The following ANGPT1 variants were observed in gnomAD, a reference collection of about 807,000 sequenced individuals.
ANGPT1 encodes the protein angiopoietin 1, also known as angiopoietin-1.
A neutral mutation model predicts 62.2 loss-of-function variants in ANGPT1; 17 were observed. The ratio of observed to expected loss-of-function variants is 0.27; its 90% CI spans 0.19 to 0.41. The LOEUF (loss-of-function observed/expected upper bound fraction) is 0.41, where lower values mean the gene tolerates loss of function less well. ANGPT1 is among the 10% of genes least tolerant of loss of function. ANGPT1 has a pLI of 1.00. For missense variants in ANGPT1, 478 were observed against 594.9 expected (o/e 0.80, Z 2.04); for synonymous variants, 199 against 198.9 (o/e 1.00, Z 0.00).
intron 1 of ANGPT1, among the ~76,000 whole-genome samples, chr8:107,441,327 T>C (rs993365228): frequency 2.0e-5 from 3 of 152,242 alleles, no homozygotes; most frequent in Non-Finnish European, 4.4e-5. Flanking sequence ...CCCCTAGGGA[T>C]CATGCAAAGC....
At position 107,393,329 on chromosome 8, in the gene ANGPT1, T is replaced by A. The variant is rs575392387; in HGVS notation, c.298-46232A>T. Among the ~76,000 whole-genome samples, 10 of 152,272 alleles carry A rather than the reference T, an allele frequency of 6.6e-5. No homozygotes were observed. In the East Asian group the frequency reaches 1.9e-3, roughly 29 times the overall value. On this transcript the variant is annotated intron_variant, in intron 1 of 8. Transcript: ENST00000517746. ...GACTGACTGCAAAAGATTTGGAGGG[T>A]ACTTTTTGGATGATGGAAATGTCTA...
intron 1 of ANGPT1, among the ~76,000 whole-genome samples, chr8:107,441,619 A>G (rs2130431923): frequency 6.6e-6 from 1 of 152,290 alleles, no homozygotes; most frequent in Non-Finnish European, 1.5e-5. Flanking sequence ...TTTAATCCTA[A>G]ACAATTTATT....
At chr8:107,322,392 G>A (rs940803596) in intron 3 of ANGPT1, among the ~76,000 whole-genome samples, 1 of 152,038 alleles carries the variant, frequency 6.6e-6, no homozygotes, top group Non-Finnish European at 1.5e-5. Context: ...TTCCTTGGGT[G>A]TATCTTATAT....
At chr8:107,374,861 A>G (rs970697790) in intron 1 of ANGPT1, among the ~76,000 whole-genome samples, 5 of 152,156 alleles carry the variant, frequency 3.3e-5, no homozygotes, top group African/African-American at 1.2e-4. Flanking sequence ...AGCTAGGGAG[A>G]TAAGAAATGC....
chr8:107,288,323 G>C (rs1237927904), intron 6 of ANGPT1, among the ~76,000 whole-genome samples: 2 of 152,078 alleles, frequency 1.3e-5, no homozygotes, highest in Non-Finnish European at 2.9e-5. Context: ...AAGTACTTAA[G>C]TATCTGTTTC....
chr8:107,303,760 T>TA (rs1235489910), intron 4 of ANGPT1, among the ~76,000 whole-genome samples: 1 of 151,780 alleles, frequency 6.6e-6, no homozygotes, highest in African/African-American at 2.4e-5. Flanking sequence ...CAGGAAAGTC[T>TA]AAAAAAAGTG....
At chr8:107,265,288 T>C (rs1046053189) in intron 7 of ANGPT1, among the ~76,000 whole-genome samples, 1 of 152,196 alleles carries the variant, frequency 6.6e-6, no homozygotes, top group African/African-American at 2.4e-5. Flanking sequence ...TTGCAGACTG[T>C]CCAAAGAGAA....
chr8:107,496,749 AT>A (rs34601316), intron 1 of ANGPT1, among the ~76,000 whole-genome samples: 16,541 of 152,074 alleles, frequency 0.11, 1,002 homozygotes, highest in South Asian at 0.18. Context: ...TAAATATACA[AT>A]TTCTCCAACC....
At chr8:107,377,725 T>C (rs1007968915) in intron 1 of ANGPT1, among the ~76,000 whole-genome samples, 32 of 152,146 alleles carry the variant, frequency 2.1e-4, no homozygotes, top group African/African-American at 6.8e-4. Flanking sequence ...ACATCACAAG[T>C]AAGCAGTGTA....
chr8:107,370,368 GAAAGAAAGAAAGAAAGAAAGAAAGAAAGA>G, intron 1 of ANGPT1, among the ~76,000 whole-genome samples: 1 of 33,964 alleles, frequency 2.9e-5, no homozygotes, highest in Non-Finnish European at 1.1e-4. Context: ...AAGAAAGAAA[GAAAGAAAGAAAGAAAGAAAGAAAGAAAGA>G]AAGAAAGAAA....
At chr8:107,312,368 G>A (rs1163278654) in intron 4 of ANGPT1, among the ~76,000 whole-genome samples, 1 of 152,152 alleles carries the variant, frequency 6.6e-6, no homozygotes, top group Non-Finnish European at 1.5e-5. Context: ...ATGTGGGAAA[G>A]CTTAAGGGGC....
At chr8:107,402,091 T>C (rs150503386) in intron 1 of ANGPT1, among the ~76,000 whole-genome samples, 8 of 152,304 alleles carry the variant, frequency 5.3e-5, no homozygotes, top group Middle Eastern at 3.4e-3. Context: ...AATTGCTTCA[T>C]TGGCTGAAGA....
chr8:107,346,755 A>G (rs2130158509), intron 2 of ANGPT1, among the ~76,000 whole-genome samples, 187 bp downstream of exon 2: 1 of 152,298 alleles, frequency 6.6e-6, no homozygotes, highest in South Asian at 2.1e-4. Context: ...AGCTAAATAT[A>G]CCAACCCTCA....
At chr8:107,492,099 C>G (rs56163052) in intron 1 of ANGPT1, among the ~76,000 whole-genome samples, 1 of 151,862 alleles carries the variant, frequency 6.6e-6, no homozygotes, top group Non-Finnish European at 1.5e-5. Context: ...CCAATAATAC[C>G]GAACTATTTG....
intron 1 of ANGPT1, among the ~76,000 whole-genome samples, chr8:107,466,453 T>G (rs541987798): frequency 5.0e-4 from 76 of 152,202 alleles, no homozygotes; most frequent in African/African-American, 1.7e-3. Context: ...TAAAAGCTAG[T>G]GTTATCTATT....
At chr8:107,321,320 C>A (rs190208517) in intron 4 of ANGPT1, among the ~76,000 whole-genome samples, 1 of 152,112 alleles carries the variant, frequency 6.6e-6, no homozygotes, top group African/African-American at 2.4e-5. Flanking sequence ...AACTTAAATA[C>A]CCTGATTAAA....
rs1159346639 is a variant in ANGPT1 at position 107,478,549 on chromosome 8, A to AAAAT, written c.297+18709_297+18712dup. 7.9e-5 allele frequency among the ~76,000 whole-genome samples: 12 copies of AAAAT among 152,282 alleles called. No homozygotes were observed. The East Asian group carries it at 1.2e-3, about 15-fold the overall frequency. On this transcript the variant is annotated intron_variant, in intron 1 of 8. Transcript: ENST00000517746. ...GGGCAACAGAGCGAGACTCCATCTCAAAATAAATAAATAAATAAAGATTGC... is the reference window on the plus strand; with the variant it reads ...GGGCAACAGAGCGAGACTCCATCTCAAAATAAATAAATAAATAAATAAAGATTGC...
chr8:107,470,488 G>GT (rs72546433), intron 1 of ANGPT1, among the ~76,000 whole-genome samples: 103,108 of 151,848 alleles, frequency 0.68, 35,166 homozygotes, highest in East Asian at 0.79. Context: ...ACAAAGGTCT[G>GT]GTTTTTACAA....
chr8:107,253,359 T>A (rs1470221408), intron 8 of ANGPT1, among the ~76,000 whole-genome samples: 1 of 152,230 alleles, frequency 6.6e-6, no homozygotes, highest in Non-Finnish European at 1.5e-5. Flanking sequence ...TTTTGATCAG[T>A]ACAGCTGTTA....
Sources: gnomAD v4.1 joint callset for allele counts (sites outside exome capture counted in the v4.1 genomes callset) on GRCh38, gnomAD v4.1.1 for gene constraint, MANE v1.5 for transcripts, NCBI Gene and HGNC (gene_info 2026-07-23, HGNC 2026-07-21) for gene names.